TCF7L2: variants seen among roughly 807,000 people sequenced by gnomAD.
TCF7L2 encodes transcription factor 7 like 2, also known as transcription factor 7-like 2.
In TCF7L2, 23 loss-of-function variants were observed where a neutral mutation model predicts 77.9. That is an observed-to-expected ratio of 0.30 (90% CI 0.21 to 0.42). TCF7L2 has a LOEUF of 0.42. TCF7L2 is among the 10% of genes least tolerant of loss of function. The pLI is 1.00. For missense variants in TCF7L2, 654 were observed against 793.1 expected (o/e 0.82, Z 2.11); for synonymous variants, 413 against 340.2 (o/e 1.21, Z -2.36).
intron 4 of TCF7L2, among the ~76,000 whole-genome samples, chr10:113,015,893 A>G (rs1180722091): frequency 6.6e-6 from 1 of 152,206 alleles, no homozygotes; most frequent in African/African-American, 2.4e-5. Flanking sequence ...AAGGAAACAC[A>G]TTGGTCCCAC....
At chr10:113,084,601 G>A (rs2059636493) in intron 5 of TCF7L2, among the ~76,000 whole-genome samples, 1 of 152,096 alleles carries the variant, frequency 6.6e-6, no homozygotes, top group Non-Finnish European at 1.5e-5. Flanking sequence ...TAGTCAAACT[G>A]ACACATAAGG....
At chr10:113,102,694 G>A (rs1237474289) in intron 5 of TCF7L2, among the ~76,000 whole-genome samples, 1 of 152,088 alleles carries the variant, frequency 6.6e-6, no homozygotes, top group Admixed American at 6.5e-5. Context: ...TCTAAGTACT[G>A]GGATTACAGG....
chr10:113,107,825 T>C (rs576122309), intron 5 of TCF7L2, among the ~76,000 whole-genome samples: 1 of 150,822 alleles, frequency 6.6e-6, no homozygotes, highest in East Asian at 1.9e-4. Context: ...AATAATGCTT[T>C]TGGGTCCTGT....
At chr10:113,088,207 G>A (rs1010748778) in intron 5 of TCF7L2, among the ~76,000 whole-genome samples, 1 of 152,012 alleles carries the variant, frequency 6.6e-6, no homozygotes, top group Non-Finnish European at 1.5e-5. Flanking sequence ...ACCCCAAGTT[G>A]TTTTTTACAG....
intron 8 of TCF7L2, among the ~76,000 whole-genome samples, chr10:113,147,779 TA>T (rs1447185651): frequency 6.6e-6 from 1 of 152,242 alleles, no homozygotes; most frequent in African/African-American, 2.4e-5. Context: ...AGTGGTAAAG[TA>T]ATTGTAGGAT....
At chr10:113,130,877 T>C (rs2066482142) in intron 5 of TCF7L2, among the ~76,000 whole-genome samples, 1 of 151,902 alleles carries the variant, frequency 6.6e-6, no homozygotes, top group Admixed American at 6.6e-5. Flanking sequence ...GCAATTCCCC[T>C]GCCTCAGCTT....
rs916487508 is a variant in TCF7L2 at position 113,161,542 on chromosome 10, G to C, written c.1391+851G>C. ...TTTCCTTTCTTTAATGACCACCTTT[G>C]GTTAAATGTGTTGTTTCTTTGTTCT... On this transcript the variant is annotated intron_variant, in intron 13 of 13. Transcript: ENST00000627217. The C allele has an allele frequency of 1.6e-5, 25 of 1,535,490 alleles. No individual in the cohort carries two copies. The African/African-American group carries it at 3.2e-4, about 19-fold the overall frequency.
chr10:113,048,767 C>T (rs1052398062), intron 5 of TCF7L2, among the ~76,000 whole-genome samples: 7 of 152,120 alleles, frequency 4.6e-5, no homozygotes, highest in African/African-American at 1.7e-4. Context: ...TCTTGGTTTA[C>T]GATGTCTGTT....
chr10:113,103,367 G>T (rs566808317), intron 5 of TCF7L2, among the ~76,000 whole-genome samples: 27 of 152,086 alleles, frequency 1.8e-4, no homozygotes, highest in Admixed American at 5.9e-4. Context: ...ATAGATTTTT[G>T]TTTTGTTTTG....
At chr10:112,983,259 C>T (rs2040837498) in intron 4 of TCF7L2, among the ~76,000 whole-genome samples, 2 of 151,792 alleles carry the variant, frequency 1.3e-5, no homozygotes, top group South Asian at 2.1e-4. Context: ...ATCATGAGGT[C>T]AGGAGATCGA....
At chr10:113,015,198 ACT>A (rs1239749359) in intron 4 of TCF7L2, among the ~76,000 whole-genome samples, 4 of 152,000 alleles carry the variant, frequency 2.6e-5, no homozygotes, top group Admixed American at 6.6e-5. Flanking sequence ...GAAAGCAGAA[ACT>A]CTGAAATTTT....
At chr10:113,131,551 C>T (rs1306309560) in intron 5 of TCF7L2, among the ~76,000 whole-genome samples, 1 of 152,160 alleles carries the variant, frequency 6.6e-6, no homozygotes, top group Non-Finnish European at 1.5e-5. Context: ...AATAGTGGTC[C>T]TGTTGGCTTT....
chr10:113,102,998 T>C (rs7894421), intron 5 of TCF7L2, among the ~76,000 whole-genome samples: 24,288 of 152,238 alleles, frequency 0.16, 2,313 homozygotes, highest in African/African-American at 0.25. Context: ...CTGCCTTAAG[T>C]GGTTTTCATA....
chr10:113,062,416 C>T (rs189256888), intron 5 of TCF7L2, among the ~76,000 whole-genome samples: 15 of 152,272 alleles, frequency 9.9e-5, no homozygotes, highest in African/African-American at 3.6e-4. Context: ...ATAAGGTTTC[C>T]GTGAAAACCT....
chr10:113,077,836 C>A (rs2058866847), intron 5 of TCF7L2, among the ~76,000 whole-genome samples: 1 of 150,222 alleles, frequency 6.7e-6, no homozygotes, highest in Non-Finnish European at 1.5e-5. Flanking sequence ...TGTAGCAGGC[C>A]CATGCCACCA....
At chr10:113,069,036 C>A (rs1305904812) in intron 5 of TCF7L2, among the ~76,000 whole-genome samples, 1 of 151,652 alleles carries the variant, frequency 6.6e-6, no homozygotes, top group Non-Finnish European at 1.5e-5. Flanking sequence ...ACATGGGTGT[C>A]CTGGGGTCAG....
chr10:113,115,486 C>T (rs1236867376), intron 5 of TCF7L2, among the ~76,000 whole-genome samples: 2 of 152,122 alleles, frequency 1.3e-5, no homozygotes, highest in African/African-American at 4.8e-5. Flanking sequence ...ACAAACCTCT[C>T]ATTTGTTTGT....
chr10:113,082,432 CT>C (rs1180058115), intron 5 of TCF7L2, among the ~76,000 whole-genome samples: 11 of 152,068 alleles, frequency 7.2e-5, no homozygotes, highest in African/African-American at 2.4e-4. Flanking sequence ...GATAGGTACA[CT>C]TTCCCCCCCA....
rs34695065 is a variant in TCF7L2, at chr10:113,077,689, CT to C, written c.552+37567del. On this transcript the variant is annotated intron_variant, in intron 5 of 13. Coordinates refer to ENST00000627217, the MANE Select transcript of TCF7L2 (RefSeq NM_001146274.2). ...GCATGTATCAGGACATAATTTCTTT[CT>C]TTTCTTTTCTTCTTTTTTTTTTTTT... is the stretch of plus-strand genomic sequence containing the variant. 1.4e-4 allele frequency among the ~76,000 whole-genome samples: 20 copies of C among 146,244 alleles called. No individual in the cohort carries two copies. The South Asian group carries it at 3.2e-3, about 23-fold the overall frequency.
Sources: gnomAD v4.1 joint callset for allele counts (sites outside exome capture counted in the v4.1 genomes callset) on GRCh38, gnomAD v4.1.1 for gene constraint, MANE v1.5 for transcripts, NCBI Gene and HGNC (gene_info 2026-07-23, HGNC 2026-07-21) for gene names.